Variants in FNDC3B observed in about 807,000 individuals in gnomAD.
The protein encoded by FNDC3B is fibronectin type III domain-containing protein 3B.
FNDC3B carries 12 observed loss-of-function variants against 151.5 expected under a neutral mutation model. The ratio of observed to expected loss-of-function variants is 0.08; its 90% CI spans 0.05 to 0.13. The LOEUF (loss-of-function observed/expected upper bound fraction) is 0.13, where lower values mean the gene tolerates loss of function less well. Among genes scored for constraint, FNDC3B ranks in the 10% least tolerant of loss-of-function variants. FNDC3B has a pLI of 1.00. For synonymous variants in FNDC3B, 528 were observed against 549.0 expected, an observed-to-expected ratio of 0.96 and a Z score of 0.54; for missense variants, 1,214 against 1,505.3, an observed-to-expected ratio of 0.81 and a Z score of 3.20.
At chr3:172,098,877 T>C (rs1719227925) in intron 1 of FNDC3B, among the ~76,000 whole-genome samples, 1 of 152,172 alleles carries the variant, frequency 6.6e-6, no homozygotes, top group Non-Finnish European at 1.5e-5. Flanking sequence ...AGAGGTGCTC[T>C]TTGCAAGGCG....
At chr3:172,346,298 T>G in intron 19 of FNDC3B, 29 bp from the exon 20 acceptor site, 2 of 1,317,736 alleles carry the variant, frequency 1.5e-6, no homozygotes, top group Non-Finnish European at 2.2e-6. Flanking sequence ...CATATATACA[T>G]ACGTGTGTGT....
intron 2 of FNDC3B, among the ~76,000 whole-genome samples, chr3:172,128,336 G>A (rs1051870433): frequency 6.6e-6 from 1 of 152,186 alleles, no homozygotes; most frequent in Admixed American, 6.5e-5. Flanking sequence ...TTCTTTGCAT[G>A]TGTTATTACC....
chr3:172,128,171 C>G (rs142363081), intron 2 of FNDC3B, among the ~76,000 whole-genome samples: 1 of 152,046 alleles, frequency 6.6e-6, no homozygotes, highest in African/African-American at 2.4e-5. Context: ...GCTTAGGTCC[C>G]CTTGGAGGCT....
intron 6 of FNDC3B, among the ~76,000 whole-genome samples, chr3:172,254,331 G>A (rs1018218260): frequency 1.3e-5 from 2 of 151,792 alleles, no homozygotes; most frequent in African/African-American, 4.8e-5. Flanking sequence ...TACTAAATCA[G>A]AATCTTCATA....
chr3:172,334,895 T>C (rs767934860), intron 14 of FNDC3B, 49 bp from the exon 15 acceptor site: 6 of 1,559,512 alleles, frequency 3.8e-6, no homozygotes, highest in South Asian at 3.5e-5. Context: ...ATTAATTTAA[T>C]GATCCCTGAT....
At chr3:172,198,248 G>A (rs923646554) in intron 3 of FNDC3B, among the ~76,000 whole-genome samples, 1 of 151,834 alleles carries the variant, frequency 6.6e-6, no homozygotes, top group South Asian at 2.1e-4. Flanking sequence ...ATAGAGAATC[G>A]TATTTAGAAG....
chr3:172,374,488 G>A (rs376983986), intron 23 of FNDC3B, among the ~76,000 whole-genome samples: 1 of 152,090 alleles, frequency 6.6e-6, no homozygotes, highest in African/African-American at 2.4e-5. Flanking sequence ...TCTGCCTACC[G>A]GATTCAAGCG....
At position 172,252,229 on chromosome 3, in the gene FNDC3B, C is replaced by T. The variant is rs550915021; in HGVS notation, c.790+688C>T. 7.9e-5 allele frequency among the ~76,000 whole-genome samples: 12 copies of T among 152,008 alleles called. No homozygotes were observed. In the South Asian group the frequency reaches 1.9e-3, roughly 24 times the overall value. ...GTTTAGAGAGAACCTATTTTGATGC[C>T]ACATAAGGAAAAACAGTGGCTATTT... On this transcript the variant is annotated intron_variant, in intron 6 of 25. Coordinates refer to ENST00000415807, the MANE Select transcript of FNDC3B (RefSeq NM_022763.4).
intron 3 of FNDC3B, among the ~76,000 whole-genome samples, chr3:172,135,166 A>G (rs35447345): frequency 0.078 from 11,898 of 152,182 alleles, 629 homozygotes; most frequent in Non-Finnish European, 0.11. Context: ...AATAGAATCT[A>G]TAAAAGCAAA....
At chr3:172,152,787 C>T (rs1232322398) in intron 3 of FNDC3B, among the ~76,000 whole-genome samples, 1 of 151,956 alleles carries the variant, frequency 6.6e-6, no homozygotes, top group Non-Finnish European at 1.5e-5. Context: ...GCCTAGGAGC[C>T]CTGCTATTTC....
chr3:172,331,105 A>G (rs934971184), intron 13 of FNDC3B, among the ~76,000 whole-genome samples: 3 of 152,186 alleles, frequency 2.0e-5, no homozygotes, highest in African/African-American at 7.2e-5. Context: ...TAATATTCCT[A>G]ACTTCATCCT....
chr3:172,083,693 TAGAGTG>T (rs1718396063), intron 1 of FNDC3B, among the ~76,000 whole-genome samples: 1 of 152,190 alleles, frequency 6.6e-6, no homozygotes, highest in Non-Finnish European at 1.5e-5. Context: ...GCTGGATAAT[TAGAGTG>T]AAGATGGGTA....
chr3:172,283,468 G>T (rs982451044), intron 6 of FNDC3B, among the ~76,000 whole-genome samples: 1 of 152,086 alleles, frequency 6.6e-6, no homozygotes, highest in Non-Finnish European at 1.5e-5. Context: ...TCCCTTCCTT[G>T]TGTGTTGAGT....
chr3:172,289,679 T>G (rs752495552), intron 7 of FNDC3B, among the ~76,000 whole-genome samples: 3 of 152,224 alleles, frequency 2.0e-5, no homozygotes, highest in Non-Finnish European at 4.4e-5. Context: ...AATAGATCTT[T>G]GCTGAATAAC....
chr3:172,301,291 G>A (rs1042604977), intron 9 of FNDC3B, among the ~76,000 whole-genome samples: 1 of 152,202 alleles, frequency 6.6e-6, no homozygotes, highest in Non-Finnish European at 1.5e-5. Context: ...AATGATGCAA[G>A]TTCTTTGAAT....
Position 172,247,506 on chromosome 3 carries a change from G to A in FNDC3B, c.265-27G>A, listed in dbSNP as rs764919625. The A allele has an allele frequency of 9.9e-6, 16 of 1,610,300 alleles. 1 individual carries two copies. The East Asian group carries it at 2.2e-4, about 22-fold the overall frequency. ...TTCATAGGCTGCTAATATGTACTGC[G>A]TTCTTTCCTTTTGTGTTTTTCTTTA... On this transcript the variant is annotated intron_variant, in intron 4 of 25. Transcript: ENST00000415807.
At chr3:172,112,421 T>C (rs1170289314) in intron 1 of FNDC3B, 31 bp from the exon 2 acceptor site, 4 of 1,178,466 alleles carry the variant, frequency 3.4e-6, no homozygotes, top group Non-Finnish European at 5.1e-6. Context: ...TGGTTCTGAG[T>C]CCTTTTTAAA....
At chr3:172,058,294 C>T (rs1717014236) in intron 1 of FNDC3B, among the ~76,000 whole-genome samples, 1 of 87,376 alleles carries the variant, frequency 1.1e-5, no homozygotes, top group South Asian at 3.1e-4. Context: ...TTTGTGGTTT[C>T]AATAACAAGA....
At chr3:172,104,168 C>CT (rs1192714447) in intron 1 of FNDC3B, among the ~76,000 whole-genome samples, 2 of 151,992 alleles carry the variant, frequency 1.3e-5, no homozygotes, top group African/African-American at 4.8e-5. Context: ...TTTTATGTGT[C>CT]TTTTTTTAAG....
Sources: allele counts gnomAD v4.1 joint callset (sites outside exome capture counted in the v4.1 genomes callset), GRCh38; gene constraint gnomAD v4.1.1; transcripts MANE v1.5; gene names NCBI Gene and HGNC (gene_info 2026-07-23, HGNC 2026-07-21).